The following SDK1 variants were observed in gnomAD, a reference collection of about 807,000 sequenced individuals.
SDK1 encodes the protein protein sidekick-1.
SDK1 carries 157 observed loss-of-function variants against 245.5 expected under a neutral mutation model. The observed-to-expected ratio is 0.64, with a 90% CI of 0.56 to 0.73. SDK1 has a LOEUF of 0.73. SDK1 is among the 30% of genes least tolerant of loss of function. SDK1 has a pLI of 0.00. For synonymous variants in SDK1, 1,647 were observed against 1,278.5 expected, an observed-to-expected ratio of 1.29 and a Z score of -6.15; for missense variants, 3,583 against 3,002.3, an observed-to-expected ratio of 1.19 and a Z score of -4.52.
chr7:3,850,049 G>A (rs1292304522), intron 5 of SDK1, among the ~76,000 whole-genome samples: 1 of 152,178 alleles, frequency 6.6e-6, no homozygotes, highest in Non-Finnish European at 1.5e-5. Flanking sequence ...TGTAACATCA[G>A]TCAAAACTTG....
At chr7:3,949,050 A>G (rs1032817678) in intron 5 of SDK1, among the ~76,000 whole-genome samples, 1 of 152,174 alleles carries the variant, frequency 6.6e-6, no homozygotes. Context: ...TCGTGAGTGC[A>G]TCCGGACTCT....
intron 14 of SDK1, among the ~76,000 whole-genome samples, chr7:3,990,305 G>A (rs544322281): frequency 1.6e-4 from 25 of 152,364 alleles, no homozygotes; most frequent in Middle Eastern, 3.4e-3. Context: ...TCTGAGGCCG[G>A]AGTCCAGGCC....
chr7:3,317,773 G>A (rs144485460), intron 1 of SDK1, among the ~76,000 whole-genome samples: 79 of 152,310 alleles, frequency 5.2e-4, no homozygotes, highest in Non-Finnish European at 8.5e-4. Context: ...AAGGATGCTT[G>A]ATTAAAATAA....
chr7:3,671,330 A>G (rs1030961375), intron 4 of SDK1, among the ~76,000 whole-genome samples: 2 of 152,218 alleles, frequency 1.3e-5, no homozygotes, highest in Non-Finnish European at 2.9e-5. Flanking sequence ...GTGTGAGTCT[A>G]GCCCATCAGG....
rs780003658 is a variant in SDK1 at position 4,220,213 on chromosome 7, C to T, written c.5644C>T (p.Arg1882Trp). Residue 1882 changes from arginine to tryptophan, a missense_variant, in exon 39 of 45, where the codon CGG (arginine) becomes TGG (tryptophan). By Grantham distance (101) the Arg-to-Trp change is moderately radical. Transcript: ENST00000404826. ...GACCTATTTCTTCCGTGTCCAAGCGCGGACCATCACCTACGGGCCCGAGCT... is the reference window on the plus strand; with the variant it reads ...GACCTATTTCTTCCGTGTCCAAGCGTGGACCATCACCTACGGGCCCGAGCT... ...GVTYFFRVQA[R>W]TITYGPELQA... is the part of the protein sequence containing the mutation. 47 of 1,613,858 alleles carry T rather than the reference C, an allele frequency of 2.9e-5. No individual in the cohort carries two copies. The highest frequency in any genetic ancestry group is 3.4e-5 in the Non-Finnish European group (40 of 1,180,010).
chr7:3,455,858 C>A (rs1393559298), intron 1 of SDK1, among the ~76,000 whole-genome samples: 1 of 152,172 alleles, frequency 6.6e-6, no homozygotes, highest in East Asian at 1.9e-4. Flanking sequence ...GCCAATAGAT[C>A]AATTTGGCGA....
chr7:3,424,784 C>A lies in SDK1; in HGVS notation c.298+122900C>A, dbSNP rs55963715. On this transcript the variant is annotated intron_variant, in intron 1 of 44. Transcript: ENST00000404826. ...TGGTGGCGTGCACCTGTAGTCCTAG[C>A]TGCTTGGGAGACTGAGGCATGAGGA... Among the ~76,000 whole-genome samples the A allele has an allele frequency of 5.8e-4, 88 of 152,114 alleles. 2 individuals carry two copies. The South Asian group carries it at 0.018, about 31-fold the overall frequency.
At chr7:3,790,073 C>G (rs1250839592) in intron 4 of SDK1, among the ~76,000 whole-genome samples, 1 of 152,100 alleles carries the variant, frequency 6.6e-6, no homozygotes, top group Non-Finnish European at 1.5e-5. Context: ...CCCCGTAGTC[C>G]AAATGCCAGG....
chr7:3,990,787 C>T (rs1258221095), intron 14 of SDK1, among the ~76,000 whole-genome samples: 1 of 152,218 alleles, frequency 6.6e-6, no homozygotes, highest in Admixed American at 6.5e-5. Flanking sequence ...GGACCGTCTT[C>T]CAAAACAGAG....
intron 22 of SDK1, among the ~76,000 whole-genome samples, chr7:4,087,032 A>G (rs529152560): frequency 1.3e-5 from 2 of 151,108 alleles, no homozygotes; most frequent in East Asian, 3.9e-4. Context: ...TGCCATGCAA[A>G]AAAAAAAAAA....
At chr7:3,955,039 C>T (rs1287237506) in intron 7 of SDK1, among the ~76,000 whole-genome samples, 6 of 152,108 alleles carry the variant, frequency 3.9e-5, no homozygotes, top group Non-Finnish European at 8.8e-5. Flanking sequence ...GATGCATCTT[C>T]CCTCCGAGCC....
chr7:3,494,232 C>G lies in SDK1; in HGVS notation c.299-124848C>G, dbSNP rs73309923. On this transcript the variant is annotated intron_variant, in intron 1 of 44. Coordinates refer to ENST00000404826, the MANE Select transcript of SDK1 (RefSeq NM_152744.4). ...GAGCTTTTATTTTGAGTCAGTGTTT[C>G]TATTTTATATATAGTTTTAATAACT... Among the ~76,000 whole-genome samples, 3 of 152,160 alleles carry G rather than the reference C, an allele frequency of 2.0e-5. No homozygotes were observed. In the South Asian group the frequency reaches 6.2e-4, roughly 32 times the overall value.
chr7:3,523,229 A>G (rs1051347937), intron 1 of SDK1, among the ~76,000 whole-genome samples: 58 of 152,206 alleles, frequency 3.8e-4, no homozygotes, highest in African/African-American at 1.3e-3. Context: ...CTGCAGAAGC[A>G]TTTGCAAATC....
intron 32 of SDK1, among the ~76,000 whole-genome samples, chr7:4,162,152 G>A (rs1781174994): frequency 6.6e-6 from 1 of 152,124 alleles, no homozygotes; most frequent in African/African-American, 2.4e-5. Flanking sequence ...GAGCGTTGGA[G>A]GAACTGGGTA....
chr7:3,626,059 C>A (rs540128125), intron 2 of SDK1, among the ~76,000 whole-genome samples: 1 of 150,474 alleles, frequency 6.6e-6, no homozygotes, highest in African/African-American at 2.4e-5. Context: ...TCCTTCTGCA[C>A]CAGCCTCCCT....
At chr7:3,998,975 A>G (rs905986297) in intron 14 of SDK1, among the ~76,000 whole-genome samples, 2 of 152,226 alleles carry the variant, frequency 1.3e-5, no homozygotes, top group Non-Finnish European at 2.9e-5. Context: ...CCAACTGCTT[A>G]GAACATCTCC....
At chr7:3,673,647 G>T (rs1475673685) in intron 4 of SDK1, among the ~76,000 whole-genome samples, 1 of 152,090 alleles carries the variant, frequency 6.6e-6, no homozygotes, top group African/African-American at 2.4e-5. Flanking sequence ...CTTTGCTAAT[G>T]CATTAGGTAG....
At chr7:3,742,275 A>G (rs551901467) in intron 4 of SDK1, among the ~76,000 whole-genome samples, 7 of 152,072 alleles carry the variant, frequency 4.6e-5, no homozygotes, top group Non-Finnish European at 8.8e-5. Flanking sequence ...CCACTCTGGC[A>G]TACAGATTAC....
At position 4,077,105 on chromosome 7, in the gene SDK1, A is replaced by G. The variant is rs749577765; in HGVS notation, c.3118A>G (p.Thr1040Ala). 1 of 1,614,138 alleles carries G rather than the reference A, an allele frequency of 6.2e-7. No individual in the cohort carries two copies. Among genetic ancestry groups the G allele is most frequent in the Non-Finnish European group, 8.5e-7 (1 of 1,180,012 alleles). The change falls in exon 21 of 45, where the codon ACC (threonine) becomes GCC (alanine). Residue 1040 changes from threonine (T) to alanine (A), a missense_variant. Physicochemically the swap from Thr to Ala is moderately conservative, Grantham distance 58 (BLOSUM62 0). Transcript: ENST00000404826. ...YKIQGLSSLT[T>A]YTIDVAAVTA... ...GATCCAAGGCCTCTCATCTCTCACC[A>G]CCTACACCATCGACGTGGCCGCTGT...
Sources: gnomAD v4.1 joint callset for allele counts (sites outside exome capture counted in the v4.1 genomes callset) on GRCh38, gnomAD v4.1.1 for gene constraint, MANE v1.5 for transcripts, NCBI Gene and HGNC (gene_info 2026-07-23, HGNC 2026-07-21) for gene names.